The following TM2D2 variants were observed in gnomAD, a reference collection of about 807,000 sequenced individuals.
TM2D2 encodes the protein TM2 domain-containing protein 2.
TM2D2 carries 19 observed loss-of-function variants against 23.0 expected under a neutral mutation model. The observed-to-expected ratio is 0.82, with a 90% CI of 0.58 to 1.21. TM2D2 has a LOEUF of 1.21. Ranked by LOEUF, TM2D2 falls within the 50% of genes most tolerant of loss-of-function variation. The probability of loss-of-function intolerance (pLI) is 0.00; values close to 1 mark genes in which losing one functional copy is unlikely to be tolerated. For missense variants in TM2D2, 246 were observed against 265.4 expected, an observed-to-expected ratio of 0.93 and a Z score of 0.51; for synonymous variants, 120 against 108.8, an observed-to-expected ratio of 1.10 and a Z score of -0.64.
chr8:38,990,180 T>C lies in TM2D2; in HGVS notation c.*1152A>G, dbSNP rs988883269. 6.6e-6 allele frequency: 1 copy of C among 152,208 alleles called. No homozygotes were observed. Among genetic ancestry groups the C allele is most frequent in the African/African-American group, 2.4e-5 (1 of 41,456 alleles). The allele number at this position is 152,208 out of a possible 1,614,324, so 9.4% of individuals were successfully genotyped here. On this transcript the variant is annotated 3_prime_UTR_variant, in exon 4 of 4. Transcript: ENST00000456397. ...AGAAATTCTTAGGAAAGCTACAAAA[T>C]GATAGAATGTATCCAGGGAAGTTAT...
At position 38,996,263 on chromosome 8, in the gene TM2D2, C is replaced by G. The variant is rs12056849; in HGVS notation, c.177G>C (p.Ala59=). The G allele has an allele frequency of 1.2e-6, 2 of 1,613,836 alleles. No homozygotes were observed. The highest frequency in any genetic ancestry group is 1.3e-5 in the African/African-American group (1 of 74,926). ...AGTGGGGGTCGCCATATTCCCAGCT[C>G]GCAGCACCCCCGGGGCCCTCCGGCT... The part of the protein sequence containing the change: ...AAQPEGPGGA[A]SWEYGDPHSP... Residue 59 remains alanine, a synonymous_variant, in exon 1 of 4, where the codon GCG becomes GCC. Coordinates refer to ENST00000456397, the MANE Select transcript of TM2D2 (RefSeq NM_078473.3).
intron 3 of TM2D2, among the ~76,000 whole-genome samples, chr8:38,993,211 C>G (rs1835654535): frequency 6.6e-6 from 1 of 152,202 alleles, no homozygotes; most frequent in Admixed American, 6.5e-5. Context: ...AGAGTCCTCT[C>G]TACTATAAAC....
chr8:38,992,080 C>CTATCT (rs1257911055), intron 3 of TM2D2, among the ~76,000 whole-genome samples: 1 of 152,076 alleles, frequency 6.6e-6, no homozygotes, highest in Non-Finnish European at 1.5e-5. Context: ...GGGCCCTTTG[C>CTATCT]TATCTCTAAG....
chr8:38,996,645 T>A, upstream of TM2D2: 1 of 1,430,584 alleles, frequency 7.0e-7, no homozygotes, highest in Non-Finnish European at 9.1e-7. Flanking sequence ...TACTCCGCCC[T>A]CTGCTTCTGC....
In TM2D2 at chr8:38,996,436, C is replaced by T. The variant is rs374018667; in HGVS notation, c.4G>A (p.Val2Met). ...TAACTAACCGGGCAACCACCTAGCACCATCTTCCCGGGCACAGGAGCGGAG... is the reference window on the plus strand; with the variant it reads ...TAACTAACCGGGCAACCACCTAGCATCATCTTCCCGGGCACAGGAGCGGAG... M[V>M]LGGCPVSYLL... is the part of the protein sequence containing the mutation. Residue 2 changes from valine (V) to methionine (M), a missense_variant, in exon 1 of 4, where the codon GTG becomes ATG. Val to Met is a conservative substitution (Grantham distance 21). This residue lies in a region of TM2D2 where 212 missense variants were observed against 202.2 expected (regional missense o/e 1.05). Coordinates refer to ENST00000456397, the MANE Select transcript of TM2D2 (RefSeq NM_078473.3). 2 of 1,613,908 alleles carry T rather than the reference C, an allele frequency of 1.2e-6. No homozygotes were observed. The highest frequency in any genetic ancestry group is 2.7e-5 in the African/African-American group (2 of 74,936).
Position 38,992,433 on chromosome 8 carries a change from G to C in TM2D2, c.432-888C>G, listed in dbSNP as rs1168678723. 6.2e-5 allele frequency among the ~76,000 whole-genome samples: 9 copies of C among 146,236 alleles called. No homozygotes were observed. The South Asian group carries it at 9.1e-4, about 15-fold the overall frequency. On this transcript the variant is annotated intron_variant, in intron 3 of 3. Coordinates refer to ENST00000456397, the MANE Select transcript of TM2D2 (RefSeq NM_078473.3). ...GTCGAGGCTGCAGTGAGCCCTGTTTGTCTGTTTGTGCCATTACACTCCAGC... is the reference window on the plus strand; with the variant it reads ...GTCGAGGCTGCAGTGAGCCCTGTTTCTCTGTTTGTGCCATTACACTCCAGC...
chr8:38,991,269 G>T lies in TM2D2; in HGVS notation c.*63C>A. The T allele has an allele frequency of 7.4e-7, 1 of 1,348,434 alleles. No individual in the cohort carries two copies. Among genetic ancestry groups the T allele is most frequent in the Non-Finnish European group, 1.0e-6 (1 of 955,830 alleles). 83.5% of individuals were successfully genotyped at this position (1,348,434 alleles called of 1,614,324 possible). A position where few individuals can be genotyped will look rare whatever the true frequency, so the allele number is the denominator to read the frequency against. ...GATATCAAAGAGGAGTTTTGAGCCTGTAGAGATGAATTCAGAAGACGGAGC... is the reference window on the plus strand; with the variant it reads ...GATATCAAAGAGGAGTTTTGAGCCTTTAGAGATGAATTCAGAAGACGGAGC... On this transcript the variant is annotated 3_prime_UTR_variant, in exon 4 of 4. Coordinates refer to ENST00000456397, the MANE Select transcript of TM2D2 (RefSeq NM_078473.3).
intron 2 of TM2D2, chr8:38,993,881 T>TGA: frequency 3.0e-6 from 1 of 338,550 alleles, no homozygotes; most frequent in Non-Finnish European, 5.5e-6. Flanking sequence ...TTCTTCTTCA[T>TGA]GACTGGCTTC....
At position 38,996,223 on chromosome 8, in the gene TM2D2, A is replaced by C; in HGVS notation, c.217T>G (p.Cys73Gly). 6.2e-7 allele frequency: 1 copy of C among 1,613,610 alleles called. No homozygotes were observed. Among genetic ancestry groups the C allele is most frequent in the Non-Finnish European group, 8.5e-7 (1 of 1,179,844 alleles). Residue 73 changes from cysteine to glycine, a missense_variant, in exon 1 of 4, where the codon TGC becomes GGC. This residue lies in a region of TM2D2 where 212 missense variants were observed against 202.2 expected (regional missense o/e 1.05). Coordinates refer to ENST00000456397, the MANE Select transcript of TM2D2 (RefSeq NM_078473.3). Reference sequence around the variant, plus strand: ...CCACTGGTAGCTTACAGGTAAGAGCAGAGGATGACCGGAGAGTGGGGGTCG... The same window carrying C: ...CCACTGGTAGCTTACAGGTAAGAGCCGAGGATGACCGGAGAGTGGGGGTCG... The part of the protein sequence containing the change: ...YGDPHSPVIL[C>G]SYLPDEFIEC...
rs1025759504 is a variant in TM2D2 at position 38,994,597 on chromosome 8, C to G, written c.315+721G>C. On this transcript the variant is annotated intron_variant, in intron 2 of 3. Transcript: ENST00000456397. ...TGTGTCTGATTTAGTACAAAACATG[C>G]CTTCCCATCATTCTCTTAACATCTG... is the stretch of plus-strand genomic sequence containing the variant. Among the ~76,000 whole-genome samples the G allele has an allele frequency of 2.6e-5, 4 of 152,156 alleles. No homozygotes were observed. The East Asian group carries it at 7.7e-4, about 29-fold the overall frequency.
chr8:38,994,870 GACATGGTGGA>G (rs769241209), intron 2 of TM2D2, among the ~76,000 whole-genome samples: 2 of 152,204 alleles, frequency 1.3e-5, no homozygotes. Context: ...GTCTCCTACG[GACATGGTGGA>G]ACCTGTTTGC....
At chr8:38,995,832 T>A (rs994299292) in intron 1 of TM2D2, 1 of 1,196,250 alleles carries the variant, frequency 8.4e-7, no homozygotes, top group Non-Finnish European at 1.0e-6. Context: ...TTTTAAAAGA[T>A]GCCTTGTAGG....
chr8:38,991,348 C>CT lies in TM2D2; in HGVS notation c.628_629insA (p.Trp210Ter). ...CAGCTCTTCTTAGTAAACAGTGCAC[C>CT]AGTTGCTGCCATCACTTGGCATCAG... The part of the protein sequence containing the change: ...GGLMPSDGSN[W>*]CTVY The change falls in exon 4 of 4, where the codon TGG (tryptophan) becomes TAGG (stop). Residue 210 changes from tryptophan to a stop codon, truncating the protein, a stop_gained and frameshift_variant. Coordinates refer to ENST00000456397, the MANE Select transcript of TM2D2 (RefSeq NM_078473.3). LOFTEE classifies it high-confidence loss of function. 6.2e-7 allele frequency: 1 copy of CT among 1,614,034 alleles called. No homozygotes were observed. Among genetic ancestry groups the CT allele is most frequent in the Non-Finnish European group, 8.5e-7 (1 of 1,179,950 alleles).
chr8:38,995,131 TCC>T, intron 2 of TM2D2, 185 bp downstream of exon 2: 2 of 503,006 alleles, frequency 4.0e-6, no homozygotes. Context: ...CAGAGATTGC[TCC>T]TTCATAAGGA....
In TM2D2 at chr8:38,990,234, AATT is replaced by A. The variant is rs1835564390; in HGVS notation, c.*1095_*1097del. ...AACTGTGATATTTGGTCTTAAATTC[AATT>A]ATTATTAGGTAAACTGAGTGAGTTC... On this transcript the variant is annotated 3_prime_UTR_variant, in exon 4 of 4. Coordinates refer to ENST00000456397, the MANE Select transcript of TM2D2 (RefSeq NM_078473.3). 6.6e-6 allele frequency: 1 copy of A among 152,244 alleles called. No individual in the cohort carries two copies. Among genetic ancestry groups the A allele is most frequent in the Non-Finnish European group, 1.5e-5 (1 of 68,050 alleles). 9.4% of individuals were successfully genotyped at this position (152,244 alleles called of 1,614,324 possible). A position where few individuals can be genotyped will look rare whatever the true frequency, so the allele number is the denominator to read the frequency against.
Position 38,993,653 on chromosome 8 carries a change from C to T in TM2D2, c.323G>A (p.Gly108Asp). 1 of 1,612,890 alleles carries T rather than the reference C, an allele frequency of 6.2e-7. No individual in the cohort carries two copies. Among genetic ancestry groups the T allele is most frequent in the Non-Finnish European group, 8.5e-7 (1 of 1,179,250 alleles). Reference sequence around the variant, plus strand: ...GTGTTCCACGTCGCTGTAGGCCTGACCGCCGAACTGTGGAATAACAACCAA... The same window carrying T: ...GTGTTCCACGTCGCTGTAGGCCTGATCGCCGAACTGTGGAATAACAACCAA... ...ELGYGCLKFGGQAYSDVEHTS... is the reference protein window; with the variant it reads ...ELGYGCLKFGDQAYSDVEHTS... Residue 108 changes from glycine (G) to aspartate (D), a missense_variant, in exon 3 of 4, where the codon GGT becomes GAT. Coordinates refer to ENST00000456397, the MANE Select transcript of TM2D2 (RefSeq NM_078473.3).
chr8:38,996,755 G>A (rs1835818123), upstream of TM2D2: 3 of 1,418,466 alleles, frequency 2.1e-6, no homozygotes, highest in African/African-American at 1.4e-5. Context: ...GTGCCCGGCA[G>A]CCGACGGGGC....
chr8:38,993,701 C>G (rs1835673476), intron 2 of TM2D2, 41 bp from the exon 3 acceptor site: 1 of 1,414,358 alleles, frequency 7.1e-7, no homozygotes, highest in African/African-American at 1.4e-5. Flanking sequence ...CTCACCAGAG[C>G]AAGTGACACA....
chr8:38,993,728 T>C (rs1245995528), intron 2 of TM2D2, 68 bp from the exon 3 acceptor site: 2 of 1,156,660 alleles, frequency 1.7e-6, no homozygotes, highest in African/African-American at 3.0e-5. Flanking sequence ...TATCTTTATA[T>C]TCACTAATAA....
Sources: allele counts gnomAD v4.1 joint callset (sites outside exome capture counted in the v4.1 genomes callset), GRCh38; gene constraint gnomAD v4.1.1; regional missense constraint gnomAD v4.1.1; transcripts MANE v1.5; gene names NCBI Gene and HGNC (gene_info 2026-07-23, HGNC 2026-07-21).